Variants in IL33 observed in about 807,000 individuals in gnomAD.
The protein encoded by IL33 is interleukin-33.
Under a neutral mutation model 27.3 loss-of-function variants are expected in IL33, and 37 were observed. That is an observed-to-expected ratio of 1.36 (90% CI 1.04 to 1.78). IL33 has a LOEUF of 1.78. Among genes scored for constraint, IL33 ranks in the 40% most tolerant of loss-of-function variants. The pLI is 0.00. For missense variants in IL33, 406 were observed against 311.4 expected (o/e 1.30, Z -2.29); for synonymous variants, 132 against 102.9 (o/e 1.28, Z -1.71).
chr9:6,228,135 C>A (rs1258529651), intron 1 of IL33, among the ~76,000 whole-genome samples: 1 of 152,052 alleles, frequency 6.6e-6, no homozygotes, highest in Non-Finnish European at 1.5e-5. Flanking sequence ...ATAGTAAACA[C>A]TATATAAGGG....
chr9:6,254,588 T>TATATATATA, intron 7 of IL33, 35 bp downstream of exon 7: 1 of 1,271,674 alleles, frequency 7.9e-7, no homozygotes, highest in Non-Finnish European at 1.1e-6. Context: ...TCTATATATA[T>TATATATATA]GATTACAGAA....
At chr9:6,248,330 C>T (rs1184242582) in intron 2 of IL33, among the ~76,000 whole-genome samples, 2 of 144,108 alleles carry the variant, frequency 1.4e-5, no homozygotes, top group South Asian at 2.2e-4. Flanking sequence ...CTGCAACCTC[C>T]GGAGAGGTCG....
chr9:6,232,575 T>A (rs1818976501), intron 1 of IL33, among the ~76,000 whole-genome samples: 1 of 152,164 alleles, frequency 6.6e-6, no homozygotes, highest in African/African-American at 2.4e-5. Flanking sequence ...ATCTAAAATG[T>A]GACTTTCCCC....
At position 6,256,508 on chromosome 9, in the gene IL33, A is replaced by G. The variant is rs1019446849; in HGVS notation, c.*340A>G. The G allele has an allele frequency of 5.0e-6, 2 of 398,952 alleles. No individual in the cohort carries two copies. The highest frequency in any genetic ancestry group is 4.4e-6 in the Non-Finnish European group (1 of 225,090). 24.7% of individuals were successfully genotyped at this position (398,952 alleles called of 1,614,324 possible). A position where few individuals can be genotyped will look rare whatever the true frequency, so the allele number is the denominator to read the frequency against. ...ATTTAGAGCTAAGGCCACTGAGGAA[A>G]GAGCCATAGCTTAAGTCTCTATGTA... On this transcript the variant is annotated 3_prime_UTR_variant, in exon 8 of 8. Coordinates refer to ENST00000682010, the MANE Select transcript of IL33 (RefSeq NM_033439.4).
intron 1 of IL33, among the ~76,000 whole-genome samples, chr9:6,223,856 C>T (rs1356349903): frequency 6.6e-6 from 1 of 152,146 alleles, no homozygotes; most frequent in Non-Finnish European, 1.5e-5. Context: ...TCAAGGATAT[C>T]ATCAAGGACT....
intron 1 of IL33, among the ~76,000 whole-genome samples, chr9:6,236,360 T>C (rs1819209812): frequency 6.6e-6 from 1 of 152,220 alleles, no homozygotes; most frequent in Non-Finnish European, 1.5e-5. Context: ...GCATACACTT[T>C]CCTGTCATTT....
At chr9:6,243,602 G>A (rs943485441) in intron 2 of IL33, among the ~76,000 whole-genome samples, 7 of 152,140 alleles carry the variant, frequency 4.6e-5, no homozygotes, top group Non-Finnish European at 7.4e-5. Flanking sequence ...TGATCCACCC[G>A]CCTCAGCCTC....
rs1348280204 is a variant in IL33, at chr9:6,257,540, T to A, written c.*1372T>A. 3 of 152,672 alleles carry A rather than the reference T, an allele frequency of 2.0e-5. No homozygotes were observed. Among genetic ancestry groups the A allele is most frequent in the African/African-American group, 7.2e-5 (3 of 41,468 alleles). The allele number at this position is 152,672 out of a possible 1,614,324, so 9.5% of individuals were successfully genotyped here. A position where few individuals can be genotyped will look rare whatever the true frequency, so the allele number is the denominator to read the frequency against. ...TTATACTCAACCATATAATAACATT[T>A]TTTAACTACTAAAGGAGTAGTTTTT... is the stretch of plus-strand genomic sequence containing the variant. On this transcript the variant is annotated 3_prime_UTR_variant, in exon 8 of 8. Coordinates refer to ENST00000682010, the MANE Select transcript of IL33 (RefSeq NM_033439.4).
intron 1 of IL33, among the ~76,000 whole-genome samples, chr9:6,223,502 ATTT>A (rs1271157216): frequency 6.6e-6 from 1 of 151,644 alleles, no homozygotes; most frequent in Non-Finnish European, 1.5e-5. Flanking sequence ...ATATAATATT[ATTT>A]TCTTGATTTT....
intron 6 of IL33, 127 bp from the exon 7 acceptor site, chr9:6,254,335 T>A: frequency 1.9e-6 from 1 of 526,916 alleles, no homozygotes. Flanking sequence ...ACTTCTAAGA[T>A]ACCTGTTAGT....
chr9:6,251,517 C>CCATGGT (rs1235837999), intron 4 of IL33, among the ~76,000 whole-genome samples: 1 of 151,988 alleles, frequency 6.6e-6, no homozygotes, highest in Non-Finnish European at 1.5e-5. Flanking sequence ...GATTGGAATC[C>CCATGGT]CATGGTCATT....
intron 2 of IL33, among the ~76,000 whole-genome samples, chr9:6,248,791 C>G (rs1419328905): frequency 6.6e-6 from 1 of 151,752 alleles, no homozygotes; most frequent in Non-Finnish European, 1.5e-5. Flanking sequence ...GTTGCCCAGG[C>G]TGGTCTTGAA....
At chr9:6,245,255 T>A (rs531101861) in intron 2 of IL33, among the ~76,000 whole-genome samples, 5 of 152,310 alleles carry the variant, frequency 3.3e-5, no homozygotes, top group East Asian at 1.9e-4. Context: ...AGTCAATTTT[T>A]AAAAAATAGG....
At chr9:6,221,844 G>A (rs147969739) in intron 1 of IL33, among the ~76,000 whole-genome samples, 3 of 152,334 alleles carry the variant, frequency 2.0e-5, no homozygotes, top group African/African-American at 4.8e-5. Flanking sequence ...TCTGTCCAGA[G>A]TGGGAAAATA....
rs1294457157 is a variant in IL33 at position 6,241,612 on chromosome 9, A to C, written c.-11-72A>C. 4.9e-6 allele frequency: 4 copies of C among 820,988 alleles called. No individual in the cohort carries two copies. In the East Asian group the frequency reaches 1.1e-4, roughly 22 times the overall value. The allele number at this position is 820,988 out of a possible 1,614,324, so 50.9% of individuals were successfully genotyped here. A position where few individuals can be genotyped will look rare whatever the true frequency, so the allele number is the denominator to read the frequency against. On this transcript the variant is annotated intron_variant, in intron 1 of 7. Transcript: ENST00000682010. ...TGGTTATGTTACCAATTTGGTAGTG[A>C]GCTAGCCACAGTTGTTTCCGTTTGT...
chr9:6,231,778 G>C (rs972430286), intron 1 of IL33, among the ~76,000 whole-genome samples: 2 of 152,158 alleles, frequency 1.3e-5, no homozygotes, highest in Non-Finnish European at 2.9e-5. Context: ...AGCATCATTT[G>C]TGCCCTCAGG....
intron 1 of IL33, among the ~76,000 whole-genome samples, chr9:6,220,655 A>G (rs2130089055): frequency 6.6e-6 from 1 of 152,274 alleles, no homozygotes. Context: ...TATCTCTTAT[A>G]CATATATATT....
In IL33 at chr9:6,250,492, A is replaced by G; in HGVS notation, c.110A>G (p.Lys37Arg). Residue 37 changes from lysine to arginine, a missense_variant, in exon 3 of 8, where the codon AAA becomes AGA. Transcript: ENST00000682010. Reference protein sequence around the residue: ...FKLGKSQQKAKEVCPMYFMKL... With the variant: ...FKLGKSQQKAREVCPMYFMKL... ...TGTTTAGAATCCCAACAGAAGGCCA[A>G]AGAAGTTTGCCCCATGTACTTTATG... 6.2e-7 allele frequency: 1 copy of G among 1,613,708 alleles called. No individual in the cohort carries two copies. The highest frequency in any genetic ancestry group is 8.5e-7 in the Non-Finnish European group (1 of 1,179,786).
chr9:6,219,515 A>G (rs1249540603), intron 1 of IL33, among the ~76,000 whole-genome samples: 1 of 152,196 alleles, frequency 6.6e-6, no homozygotes, highest in Admixed American at 6.5e-5. Context: ...AGTGCAGTAT[A>G]GCATAATAGT....
Sources: gnomAD v4.1 joint callset for allele counts (sites outside exome capture counted in the v4.1 genomes callset) on GRCh38, gnomAD v4.1.1 for gene constraint, MANE v1.5 for transcripts, NCBI Gene and HGNC (gene_info 2026-07-23, HGNC 2026-07-21) for gene names.